The following PLPP3 variants were observed in gnomAD, a reference collection of about 807,000 sequenced individuals.
The protein encoded by PLPP3 is phospholipid phosphatase 3.
A neutral mutation model predicts 29.6 loss-of-function variants in PLPP3; 6 were observed. The observed-to-expected ratio is 0.20, with a 90% CI of 0.11 to 0.40. The LOEUF is 0.40. Ranked by LOEUF, PLPP3 falls within the 10% of genes least tolerant of loss-of-function variation. PLPP3 has a pLI of 1.00. For missense variants in PLPP3, 308 were observed against 407.7 expected, an observed-to-expected ratio of 0.76 and a Z score of 2.11; for synonymous variants, 152 against 159.7, an observed-to-expected ratio of 0.95 and a Z score of 0.36.
chr1:56,527,928 T>C (rs1423060502), intron 2 of PLPP3, among the ~76,000 whole-genome samples: 1 of 152,160 alleles, frequency 6.6e-6, no homozygotes, highest in East Asian at 1.9e-4. Context: ...TTACTCACAA[T>C]GTTTTTATTC....
intron 4 of PLPP3, among the ~76,000 whole-genome samples, chr1:56,518,949 G>A (rs1645800566): frequency 6.6e-6 from 1 of 151,922 alleles, no homozygotes; most frequent in African/African-American, 2.4e-5. Flanking sequence ...GGAGAACAGT[G>A]TCAGAGGAGG....
chr1:56,550,599 C>T (rs1028282955), intron 1 of PLPP3, among the ~76,000 whole-genome samples: 3 of 152,114 alleles, frequency 2.0e-5, no homozygotes, highest in Non-Finnish European at 2.9e-5. Flanking sequence ...AAGAGGGTTG[C>T]GAAGCCCAAG....
At chr1:56,550,946 A>G (rs1312663926) in intron 1 of PLPP3, among the ~76,000 whole-genome samples, 1 of 152,100 alleles carries the variant, frequency 6.6e-6, no homozygotes, top group African/African-American at 2.4e-5. Flanking sequence ...ACAAGAGGGG[A>G]GAGCAAGGCC....
At chr1:56,559,857 C>T (rs1489468954) in intron 1 of PLPP3, among the ~76,000 whole-genome samples, 1 of 152,040 alleles carries the variant, frequency 6.6e-6, no homozygotes, top group Non-Finnish European at 1.5e-5. Flanking sequence ...GATGCTTGTC[C>T]CCTTCATCTC....
At chr1:56,506,079 T>C (rs1284448360) in intron 5 of PLPP3, among the ~76,000 whole-genome samples, 2 of 152,184 alleles carry the variant, frequency 1.3e-5, no homozygotes, top group Non-Finnish European at 1.5e-5. Flanking sequence ...CAGAAGAGGT[T>C]TGGGAGCTCA....
intron 1 of PLPP3, among the ~76,000 whole-genome samples, chr1:56,552,800 A>C (rs1646049711): frequency 6.6e-6 from 1 of 152,224 alleles, no homozygotes; most frequent in Non-Finnish European, 1.5e-5. Flanking sequence ...CCTGAGAAAC[A>C]TATGGCTTCA....
At chr1:56,519,049 G>C (rs1458456642) in intron 4 of PLPP3, among the ~76,000 whole-genome samples, 1 of 151,676 alleles carries the variant, frequency 6.6e-6, no homozygotes, top group East Asian at 1.9e-4. Flanking sequence ...GGTGCGGGGA[G>C]AACAGCAGCT....
chr1:56,546,488 T>C (rs1352348923), intron 1 of PLPP3, among the ~76,000 whole-genome samples: 2 of 152,162 alleles, frequency 1.3e-5, no homozygotes, highest in African/African-American at 4.8e-5. Flanking sequence ...TATATATATG[T>C]GTATATGGTT....
intron 1 of PLPP3, among the ~76,000 whole-genome samples, chr1:56,553,756 T>A (rs575004026): frequency 6.6e-6 from 1 of 152,198 alleles, no homozygotes; most frequent in Non-Finnish European, 1.5e-5. Context: ...AACAGTAGCA[T>A]GTATACAGTT....
At position 56,514,461 on chromosome 1, in the gene PLPP3, G is replaced by A. The variant is rs549774932; in HGVS notation, c.634-2309C>T. Among the ~76,000 whole-genome samples, 15 of 152,222 alleles carry A rather than the reference G, an allele frequency of 9.9e-5. No homozygotes were observed. In the South Asian group the frequency reaches 2.3e-3, roughly 23 times the overall value. On this transcript the variant is annotated intron_variant, in intron 4 of 5. Transcript: ENST00000371250. ...AGAAATAGGGCTGCAGAGACAAGGA[G>A]GGCCTAGTTCACGAAGGGCTTTCAG...
chr1:56,541,143 C>T (rs1030534594), intron 1 of PLPP3, among the ~76,000 whole-genome samples: 1 of 152,130 alleles, frequency 6.6e-6, no homozygotes, highest in East Asian at 1.9e-4. Context: ...CTACTAGAGT[C>T]TTTCAAGGTG....
intron 1 of PLPP3, among the ~76,000 whole-genome samples, chr1:56,562,584 C>A (rs961746811): frequency 1.3e-5 from 2 of 152,148 alleles, no homozygotes; most frequent in African/African-American, 4.8e-5. Flanking sequence ...GGATACTATA[C>A]CATTTGGTCT....
In PLPP3 at chr1:56,538,404, C is replaced by T. The variant is rs1302153528; in HGVS notation, c.140-1292G>A. 3 of 358,052 alleles carry T rather than the reference C, an allele frequency of 8.4e-6. No homozygotes were observed. In the East Asian group the frequency reaches 2.1e-4, roughly 25 times the overall value. The allele number at this position is 358,052 out of a possible 1,614,324, so 22.2% of individuals were successfully genotyped here. On this transcript the variant is annotated intron_variant, in intron 1 of 5. Coordinates refer to ENST00000371250, the MANE Select transcript of PLPP3 (RefSeq NM_003713.5). ...TGGAACTAGGGAAGACCACCAAAAA[C>T]ACAGTGGCCTTTCAGCTGGAACTGC...
At chr1:56,517,136 G>C (rs2100239404) in intron 4 of PLPP3, 1 of 152,264 alleles carries the variant, frequency 6.6e-6, no homozygotes, top group African/African-American at 2.4e-5. Context: ...ATTGCTCTTG[G>C]GACAGCTCCG....
chr1:56,571,036 C>A (rs764979432), intron 1 of PLPP3, among the ~76,000 whole-genome samples: 1 of 152,168 alleles, frequency 6.6e-6, no homozygotes, highest in Non-Finnish European at 1.5e-5. Context: ...TTTCTACTGA[C>A]GCACGCAAGA....
chr1:56,578,310 C>A (rs1279982512), intron 1 of PLPP3, among the ~76,000 whole-genome samples: 2 of 152,220 alleles, frequency 1.3e-5, no homozygotes, highest in Non-Finnish European at 2.9e-5. Context: ...ATTGCTGAAG[C>A]CGTGCCCAGC....
chr1:56,528,603 T>A (rs570479745), intron 2 of PLPP3, among the ~76,000 whole-genome samples: 2 of 152,216 alleles, frequency 1.3e-5, no homozygotes, highest in Non-Finnish European at 2.9e-5. Flanking sequence ...GATAAGGTGA[T>A]ATGTCAATCG....
chr1:56,546,063 C>T (rs925223052), intron 1 of PLPP3, among the ~76,000 whole-genome samples: 1 of 152,204 alleles, frequency 6.6e-6, no homozygotes, highest in Non-Finnish European at 1.5e-5. Flanking sequence ...TTGGCCTACC[C>T]AGGGTTTAAA....
chr1:56,518,555 C>G (rs946474315), intron 4 of PLPP3, among the ~76,000 whole-genome samples: 4 of 151,998 alleles, frequency 2.6e-5, no homozygotes, highest in Admixed American at 2.0e-4. Flanking sequence ...GCGGATGGCC[C>G]GAGTGTCAGA....
Sources: gnomAD v4.1 joint callset for allele counts (sites outside exome capture counted in the v4.1 genomes callset) on GRCh38, gnomAD v4.1.1 for gene constraint, MANE v1.5 for transcripts, NCBI Gene and HGNC (gene_info 2026-07-23, HGNC 2026-07-21) for gene names.